The following SIPA1L2 variants were observed in gnomAD, a reference collection of about 807,000 sequenced individuals.
SIPA1L2 encodes signal induced proliferation associated 1 like 2, also known as signal-induced proliferation-associated 1-like protein 2.
In SIPA1L2, 56 loss-of-function variants were observed where a neutral mutation model predicts 163.9. The ratio of observed to expected loss-of-function variants is 0.34; its 90% confidence interval spans 0.28 to 0.43. The LOEUF is 0.43. SIPA1L2 is among the 20% of genes least tolerant of loss of function. SIPA1L2 has a pLI of 1.00. For missense variants in SIPA1L2, 1,974 were observed against 2,193.5 expected, an observed-to-expected ratio of 0.90 and a Z score of 2.00; for synonymous variants, 877 against 865.7, an observed-to-expected ratio of 1.01 and a Z score of -0.23.
intron 10 of SIPA1L2, among the ~76,000 whole-genome samples, chr1:232,453,000 G>A (rs1663678433): frequency 6.6e-6 from 1 of 152,058 alleles, no homozygotes; most frequent in African/African-American, 2.4e-5. Flanking sequence ...AACTGCAAAA[G>A]GCACATAAAA....
chr1:232,582,226 G>T (rs1660417246), intron 1 of SIPA1L2, among the ~76,000 whole-genome samples: 1 of 151,928 alleles, frequency 6.6e-6, no homozygotes, highest in African/African-American at 2.4e-5. Flanking sequence ...GTGCAGGTTT[G>T]TTACATGGGT....
rs765371503 is a variant in SIPA1L2, at chr1:232,432,235, C to A, written c.4256+12G>T. ...AAAATGCTGACCAGAGAAGAACAGC[C>A]AGCCACCTTACCCGGGACATTCAGT... On this transcript the variant is annotated intron_variant, in intron 16 of 22. Transcript: ENST00000674635. The A allele has an allele frequency of 1.2e-6, 2 of 1,610,922 alleles. No homozygotes were observed. Among genetic ancestry groups the A allele is most frequent in the Non-Finnish European group, 1.7e-6 (2 of 1,178,668 alleles).
At chr1:232,606,617 T>C (rs1004136260) in intron 1 of SIPA1L2, among the ~76,000 whole-genome samples, 2 of 149,120 alleles carry the variant, frequency 1.3e-5, no homozygotes, top group African/African-American at 4.9e-5. Flanking sequence ...AATTATATTA[T>C]TCATTTATTA....
intron 10 of SIPA1L2, among the ~76,000 whole-genome samples, chr1:232,457,868 A>G (rs1217800856): frequency 6.6e-6 from 1 of 152,220 alleles, no homozygotes; most frequent in African/African-American, 2.4e-5. Flanking sequence ...GTATCTGGTT[A>G]TGAGAGGTTG....
rs570981534 is a variant in SIPA1L2 at position 232,627,541 on chromosome 1, A to G, written c.-319+2328T>C. The stretch of plus-strand genomic sequence containing the variant: ...TGCGGGGTGAGGGGGAGAAAAAAAA[A>G]AACACCTTCCAAATCCATATTACAC... On this transcript the variant is annotated intron_variant, in intron 1 of 22. Transcript: ENST00000674635. Among the ~76,000 whole-genome samples, 772 of 152,272 alleles carry G rather than the reference A, an allele frequency of 5.1e-3. 5 individuals are homozygous for G. The highest frequency in any genetic ancestry group is 8.0e-3 in the Non-Finnish European group (545 of 68,002).
Position 232,514,774 on chromosome 1 carries a change from T to G in SIPA1L2, c.566A>C (p.His189Pro). The G allele has an allele frequency of 6.2e-7, 1 of 1,614,226 alleles. No individual in the cohort carries two copies. Among genetic ancestry groups the G allele is most frequent in the Non-Finnish European group, 8.5e-7 (1 of 1,180,036 alleles). The change falls in exon 3 of 23, where the codon CAC becomes CCC. Residue 189 changes from histidine to proline, a missense_variant. By Grantham distance (77) the His-to-Pro change is moderately conservative. Coordinates refer to ENST00000674635, the MANE Select transcript of SIPA1L2 (RefSeq NM_020808.5). Reference sequence around the variant, plus strand: ...GGATGAAGTACTTCCATACTCCCTGTGCAGGGCAGCCCCGGTGTTGGGGTT... The same window carrying G: ...GGATGAAGTACTTCCATACTCCCTGGGCAGGGCAGCCCCGGTGTTGGGGTT... ...AVNPNTGAAL[H>P]REYGSTSSID...
At chr1:232,573,856 C>T (rs1573107319) in intron 2 of SIPA1L2, among the ~76,000 whole-genome samples, 1 of 152,086 alleles carries the variant, frequency 6.6e-6, no homozygotes, top group African/African-American at 2.4e-5. Flanking sequence ...AGGGATGCTC[C>T]ATGTAGATAA....
chr1:232,612,610 T>C (rs1373698961), intron 1 of SIPA1L2, among the ~76,000 whole-genome samples: 3 of 152,190 alleles, frequency 2.0e-5, no homozygotes, highest in Non-Finnish European at 4.4e-5. Context: ...AACCCCTTTG[T>C]TTTGGTCAGT....
At position 232,514,148 on chromosome 1, in the gene SIPA1L2, C is replaced by T; in HGVS notation, c.1192G>A (p.Gly398Ser). 6.2e-7 allele frequency: 1 copy of T among 1,614,214 alleles called. No homozygotes were observed. The highest frequency in any genetic ancestry group is 8.5e-7 in the Non-Finnish European group (1 of 1,180,046). Residue 398 changes from glycine (G) to serine (S), a missense_variant, in exon 3 of 23, where the codon GGT (glycine) becomes AGT (serine). Coordinates refer to ENST00000674635, the MANE Select transcript of SIPA1L2 (RefSeq NM_020808.5). ...ACGAGGTCGTTACTTTTCCCATCACCCTCATCGGCATCCAGGTTCTCTTTG... is the reference window on the plus strand; with the variant it reads ...ACGAGGTCGTTACTTTTCCCATCACTCTCATCGGCATCCAGGTTCTCTTTG... The part of the protein sequence containing the change: ...NSKENLDADE[G>S]DGKSNDLVLS...
intron 3 of SIPA1L2, among the ~76,000 whole-genome samples, chr1:232,507,880 T>C (rs1256479637): frequency 6.6e-6 from 1 of 152,180 alleles, no homozygotes; most frequent in Non-Finnish European, 1.5e-5. Flanking sequence ...TCCACAGTAA[T>C]AGCAGGAGTA....
intron 19 of SIPA1L2, 45 bp downstream of exon 19, chr1:232,415,449 C>A (rs1661189703): frequency 6.4e-7 from 1 of 1,552,364 alleles, no homozygotes. Flanking sequence ...TGCAGGAAAG[C>A]ACTCCCAGGG....
intron 1 of SIPA1L2, among the ~76,000 whole-genome samples, chr1:232,610,643 G>A (rs1264556972): frequency 6.6e-6 from 1 of 152,126 alleles, no homozygotes; most frequent in Admixed American, 6.5e-5. Context: ...ACACACATCA[G>A]CAATGACGAA....
intron 12 of SIPA1L2, among the ~76,000 whole-genome samples, chr1:232,442,759 C>T (rs1420130858): frequency 6.6e-6 from 1 of 151,928 alleles, no homozygotes; most frequent in Non-Finnish European, 1.5e-5. Context: ...AAAAGAACAC[C>T]AAAAAAGCCA....
chr1:232,619,166 A>G (rs2102886390), intron 1 of SIPA1L2, among the ~76,000 whole-genome samples: 1 of 152,330 alleles, frequency 6.6e-6, no homozygotes. Context: ...GGTCTTGGAG[A>G]GGGCCTACAG....
At chr1:232,529,398 T>C (rs543445115) in intron 2 of SIPA1L2, among the ~76,000 whole-genome samples, 2 of 152,334 alleles carry the variant, frequency 1.3e-5, no homozygotes, top group South Asian at 2.1e-4. Flanking sequence ...TATTCATCCA[T>C]TGACAATGAC....
In SIPA1L2 at chr1:232,432,236, A is replaced by G. The variant is rs1326428153; in HGVS notation, c.4256+11T>C. ...AAATGCTGACCAGAGAAGAACAGCCAGCCACCTTACCCGGGACATTCAGTC... is the reference window on the plus strand; with the variant it reads ...AAATGCTGACCAGAGAAGAACAGCCGGCCACCTTACCCGGGACATTCAGTC... On this transcript the variant is annotated intron_variant, in intron 16 of 22. Transcript: ENST00000674635. 1.9e-6 allele frequency: 3 copies of G among 1,611,676 alleles called. No homozygotes were observed. Among genetic ancestry groups the G allele is most frequent in the Non-Finnish European group, 2.5e-6 (3 of 1,178,938 alleles).
chr1:232,602,843 C>A (rs1661676660), intron 1 of SIPA1L2, among the ~76,000 whole-genome samples: 1 of 152,150 alleles, frequency 6.6e-6, no homozygotes, highest in African/African-American at 2.4e-5. Context: ...CCGTTGAGCA[C>A]CTGAAAGGTA....
chr1:232,524,372 C>A (rs1667594694), intron 2 of SIPA1L2, among the ~76,000 whole-genome samples: 1 of 152,186 alleles, frequency 6.6e-6, no homozygotes, highest in South Asian at 2.1e-4. Context: ...CACACACAAA[C>A]ACACTCCCCA....
chr1:232,458,551 G>A (rs978386271), intron 10 of SIPA1L2, among the ~76,000 whole-genome samples: 7 of 152,066 alleles, frequency 4.6e-5, no homozygotes, highest in African/African-American at 1.7e-4. Context: ...CTAAAAATAG[G>A]CAAGAAATGT....
Sources: gnomAD v4.1 joint callset for allele counts (sites outside exome capture counted in the v4.1 genomes callset) on GRCh38, gnomAD v4.1.1 for gene constraint, MANE v1.5 for transcripts, NCBI Gene and HGNC (gene_info 2026-07-23, HGNC 2026-07-21) for gene names.